Variants in AGAP1 observed in about 807,000 individuals in gnomAD.
AGAP1 encodes ArfGAP with GTPase domain, ankyrin repeat and PH domain 1, also known as arf-GAP with GTPase, ANK repeat and PH domain-containing protein 1.
In AGAP1, 29 loss-of-function variants were observed where a neutral mutation model predicts 105.3. The ratio of observed to expected loss-of-function variants is 0.28; its 90% confidence interval spans 0.21 to 0.38. The LOEUF (loss-of-function observed/expected upper bound fraction) is 0.38, where lower values mean the gene tolerates loss of function less well. AGAP1 is among the 10% of genes least tolerant of loss of function. The pLI, the probability that AGAP1 is intolerant of heterozygous loss-of-function variation, is 1.00. For synonymous variants in AGAP1, 509 were observed against 485.9 expected (o/e 1.05, Z -0.63); for missense variants, 998 against 1,165.1 (o/e 0.86, Z 2.09).
At chr2:235,803,051 G>GGTTGTGATGATGGTT (rs760565560) in intron 8 of AGAP1, among the ~76,000 whole-genome samples, 1 of 3,586 alleles carries the variant, frequency 2.8e-4, no homozygotes, top group Non-Finnish European at 8.5e-4. Flanking sequence ...TGATGGTTGT[G>GGTTGTGATGATGGTT]GTGATGGTGG....
At chr2:235,571,132 G>A (rs959416006) in intron 1 of AGAP1, among the ~76,000 whole-genome samples, 1 of 152,174 alleles carries the variant, frequency 6.6e-6, no homozygotes, top group Non-Finnish European at 1.5e-5. Flanking sequence ...AATCTCGTGA[G>A]AACTCCTTAT....
chr2:235,846,004 A>C (rs1961444641), intron 9 of AGAP1, among the ~76,000 whole-genome samples: 1 of 152,158 alleles, frequency 6.6e-6, no homozygotes, highest in Non-Finnish European at 1.5e-5. Flanking sequence ...GATGAGGCTT[A>C]AATTTTAAAA....
Position 235,869,595 on chromosome 2 carries a change from C to T in AGAP1, c.1051-13750C>T, listed in dbSNP as rs539542875. On this transcript the variant is annotated intron_variant, in intron 9 of 17. Transcript: ENST00000304032. ...CAGCCTGAGCGACAGAGCGAGACTC[C>T]GTCTCAAAAATAAAAAATAAAAGTG... Among the ~76,000 whole-genome samples, 5 of 152,202 alleles carry T rather than the reference C, an allele frequency of 3.3e-5. No homozygotes were observed. The East Asian group carries it at 5.8e-4, about 18-fold the overall frequency.
chr2:235,561,911 T>C (rs1053613752), intron 1 of AGAP1, among the ~76,000 whole-genome samples: 4 of 152,208 alleles, frequency 2.6e-5, no homozygotes, highest in Admixed American at 2.0e-4. Context: ...TTTTACAAAA[T>C]TCAAGGCTTT....
chr2:235,979,571 A>T lies in AGAP1; in HGVS notation c.1645+10948A>T, dbSNP rs80036148. On this transcript the variant is annotated intron_variant, in intron 13 of 17. Transcript: ENST00000304032. This position sits in a 1 kb window ranked among gnomAD's most constrained non-coding sequence, Gnocchi z 4.5. ...TCATCTCAGACATACCATAGGCACC[A>T]AGGTGTGGAGCCAGTGAAAGAACAG... Among the ~76,000 whole-genome samples, 265 of 152,312 alleles carry T rather than the reference A, an allele frequency of 1.7e-3. 2 individuals are homozygous for T. Among genetic ancestry groups the T allele is most frequent in the Middle Eastern group, 3.4e-3 (1 of 294 alleles).
At chr2:236,059,212 A>T (rs1183247298) in intron 16 of AGAP1, among the ~76,000 whole-genome samples, 5 of 152,216 alleles carry the variant, frequency 3.3e-5, no homozygotes, top group Non-Finnish European at 7.3e-5. Context: ...AGCAGTGGAC[A>T]ATCAAAATAA....
chr2:235,815,387 T>C (rs1386968799), intron 9 of AGAP1, among the ~76,000 whole-genome samples: 1 of 152,206 alleles, frequency 6.6e-6, no homozygotes, highest in Non-Finnish European at 1.5e-5. Flanking sequence ...TGGTGTCTCT[T>C]TTTCTTATAA....
intron 1 of AGAP1, among the ~76,000 whole-genome samples, chr2:235,694,858 T>C (rs1254328316): frequency 2.0e-5 from 3 of 152,102 alleles, no homozygotes; most frequent in Non-Finnish European, 2.9e-5. Flanking sequence ...GGAGATCAAA[T>C]GAAGAGAGGC....
At chr2:236,048,453 A>G (rs552509007) in intron 15 of AGAP1, among the ~76,000 whole-genome samples, 1 of 152,342 alleles carries the variant, frequency 6.6e-6, no homozygotes, top group South Asian at 2.1e-4. Flanking sequence ...CCTGCCCACC[A>G]ACTTGCCTGC....
intron 1 of AGAP1, among the ~76,000 whole-genome samples, chr2:235,573,247 G>GT (rs1944632574): frequency 6.6e-6 from 1 of 151,540 alleles, no homozygotes; most frequent in Admixed American, 6.6e-5. Flanking sequence ...ACCATGCCTG[G>GT]TTACTTTTTT....
intron 15 of AGAP1, among the ~76,000 whole-genome samples, chr2:236,041,479 G>A (rs2057548204): frequency 6.6e-6 from 1 of 151,814 alleles, no homozygotes; most frequent in South Asian, 2.1e-4. Context: ...GAGTACCCCA[G>A]TTTTATTTCA....
chr2:236,010,012 T>G (rs1033481769), intron 13 of AGAP1, among the ~76,000 whole-genome samples: 2 of 152,100 alleles, frequency 1.3e-5, no homozygotes, highest in Non-Finnish European at 2.9e-5. Context: ...CTAAAGAATA[T>G]TTTTATTCTG....
intron 16 of AGAP1, among the ~76,000 whole-genome samples, chr2:236,059,625 C>T (rs952484434): frequency 1.2e-4 from 19 of 152,054 alleles, no homozygotes; most frequent in African/African-American, 4.6e-4. Flanking sequence ...TAGACACACA[C>T]GTCAATGAAG....
chr2:236,122,143 C>CA (rs1043919594), intron 17 of AGAP1, among the ~76,000 whole-genome samples: 16 of 152,048 alleles, frequency 1.1e-4, no homozygotes, highest in African/African-American at 3.9e-4. Flanking sequence ...TGTAGACTTA[C>CA]GTTCTTACCA....
intron 9 of AGAP1, among the ~76,000 whole-genome samples, chr2:235,819,736 C>T (rs1426579414): frequency 6.6e-6 from 1 of 152,068 alleles, no homozygotes; most frequent in Admixed American, 6.5e-5. Context: ...GCATCATTCA[C>T]GCCTCCTTTC....
Position 235,610,105 on chromosome 2 carries a change from A to C in AGAP1, c.164-99074A>C. 6.6e-6 allele frequency among the ~76,000 whole-genome samples: 1 copy of C among 152,192 alleles called. No individual in the cohort carries two copies. Among genetic ancestry groups the C allele is most frequent in the East Asian group, 1.9e-4 (1 of 5,182 alleles). On this transcript the variant is annotated intron_variant, in intron 1 of 17. Coordinates refer to ENST00000304032, the MANE Select transcript of AGAP1 (RefSeq NM_001037131.3). The surrounding 1 kb of genome is among the most constrained non-coding windows in gnomAD (Gnocchi z 4.9). ...GCACTTTTAGCTCCTAGTCACAGAT[A>C]TGGTGACAGGCTTGTCTCCACCATT... is the stretch of plus-strand genomic sequence containing the variant.
Position 236,055,515 on chromosome 2 carries a change from A to G in AGAP1, c.2114+6234A>G, listed in dbSNP as rs2058027005. 6.6e-6 allele frequency among the ~76,000 whole-genome samples: 1 copy of G among 152,238 alleles called. No homozygotes were observed. The highest frequency in any genetic ancestry group is 1.5e-5 in the Non-Finnish European group (1 of 68,044). ...GCCCCCGAAAATGACAGTACCACTA[A>G]TTGCAACTCAAAGTGAATTTCTGTC... On this transcript the variant is annotated intron_variant, in intron 16 of 17. Transcript: ENST00000304032. The surrounding 1 kb of genome is among the most constrained non-coding windows in gnomAD (Gnocchi z 6.2).
chr2:235,525,337 A>T (rs1425781591), intron 1 of AGAP1, among the ~76,000 whole-genome samples: 28 of 111,962 alleles, frequency 2.5e-4, no homozygotes, highest in South Asian at 6.5e-4. Context: ...GAGGACTAAT[A>T]CATAATGTGG....
chr2:235,541,898 A>T (rs997215561), intron 1 of AGAP1, among the ~76,000 whole-genome samples: 1 of 152,190 alleles, frequency 6.6e-6, no homozygotes, highest in Non-Finnish European at 1.5e-5. Context: ...GCACGTCGCT[A>T]TAGTTCATCC....
Sources: gnomAD v4.1 joint callset for allele counts (sites outside exome capture counted in the v4.1 genomes callset) on GRCh38, gnomAD v4.1.1 for gene constraint, Gnocchi (gnomAD v3.1) non-coding constraint, MANE v1.5 for transcripts, NCBI Gene and HGNC (gene_info 2026-07-23, HGNC 2026-07-21) for gene names.